The following SPAG16 variants were observed in gnomAD, a reference collection of about 807,000 sequenced individuals.
The protein encoded by SPAG16 is sperm-associated antigen 16 protein.
A neutral mutation model predicts 80.4 loss-of-function variants in SPAG16; 86 were observed. The ratio of observed to expected loss-of-function variants is 1.07; its 90% confidence interval spans 0.90 to 1.28. SPAG16 has a LOEUF of 1.28. Among genes scored for constraint, SPAG16 ranks in the 50% most tolerant of loss-of-function variants. SPAG16 has a pLI of 0.00. For synonymous variants in SPAG16, 294 were observed against 265.9 expected, an observed-to-expected ratio of 1.11 and a Z score of -1.03; for missense variants, 870 against 765.3, an observed-to-expected ratio of 1.14 and a Z score of -1.61.
intron 5 of SPAG16, among the ~76,000 whole-genome samples, chr2:213,325,234 A>G (rs967850948): frequency 2.0e-5 from 3 of 151,960 alleles, no homozygotes; most frequent in African/African-American, 7.2e-5. Flanking sequence ...AATTTTAATG[A>G]AGCATATCTT....
Position 214,028,608 on chromosome 2 carries a change from C to A in SPAG16, c.1527+14531C>A, listed in dbSNP as rs181033022. On this transcript the variant is annotated intron_variant, in intron 13 of 15. Transcript: ENST00000331683. ...CAACCCAAGATTTTAATTTTACATG[C>A]ATTTGATAAAATTTTAAAGGATATT... Among the ~76,000 whole-genome samples, 6 of 152,028 alleles carry A rather than the reference C, an allele frequency of 3.9e-5. No individual in the cohort carries two copies. The East Asian group carries it at 5.8e-4, about 15-fold the overall frequency.
rs559296769 is a variant in SPAG16 at position 213,360,720 on chromosome 2, G to C, written c.763-3356G>C. The stretch of plus-strand genomic sequence containing the variant: ...ATTAGTAGTGTGTCATGGAGCTATA[G>C]AATGAATTTATTCAAAGTATGTGTA... On this transcript the variant is annotated intron_variant, in intron 7 of 15. Transcript: ENST00000331683. 2.6e-5 allele frequency among the ~76,000 whole-genome samples: 4 copies of C among 152,308 alleles called. No individual in the cohort carries two copies. In the South Asian group the frequency reaches 8.3e-4, roughly 32 times the overall value.
intron 12 of SPAG16, among the ~76,000 whole-genome samples, chr2:213,973,022 G>A (rs763071780): frequency 3.9e-5 from 6 of 152,236 alleles, no homozygotes; most frequent in African/African-American, 4.8e-5. Flanking sequence ...AGTGTTTGAC[G>A]ATTAATTCTG....
At chr2:213,631,865 C>G (rs2062164912) in intron 10 of SPAG16, among the ~76,000 whole-genome samples, 1 of 152,136 alleles carries the variant, frequency 6.6e-6, no homozygotes. Context: ...ATGCCAGTAT[C>G]ATGCTGTTTG....
chr2:213,992,818 A>G (rs74720922), intron 12 of SPAG16, among the ~76,000 whole-genome samples: 4,989 of 152,312 alleles, frequency 0.033, 260 homozygotes, highest in African/African-American at 0.11. Context: ...GATAAAACAA[A>G]GTCATATAAA....
chr2:213,951,864 A>G (rs1397169650), intron 12 of SPAG16, among the ~76,000 whole-genome samples: 3 of 152,152 alleles, frequency 2.0e-5, no homozygotes. Flanking sequence ...GAGATTCGCT[A>G]AAACCAAATA....
intron 10 of SPAG16, among the ~76,000 whole-genome samples, chr2:213,792,792 C>T (rs958330265): frequency 1.1e-4 from 16 of 151,788 alleles, no homozygotes; most frequent in African/African-American, 3.9e-4. Flanking sequence ...CTAGCTGCCA[C>T]ATCTCTAAAA....
intron 10 of SPAG16, among the ~76,000 whole-genome samples, chr2:213,577,546 CTG>C (rs2060169944): frequency 6.6e-6 from 1 of 152,122 alleles, no homozygotes; most frequent in Non-Finnish European, 1.5e-5. Context: ...ATTCCAAAGT[CTG>C]TACTGGGGCT....
intron 7 of SPAG16, among the ~76,000 whole-genome samples, chr2:213,362,356 A>G (rs761972004): frequency 6.6e-6 from 1 of 152,204 alleles, no homozygotes; most frequent in Non-Finnish European, 1.5e-5. Context: ...CTCGAGTAAT[A>G]TATGTTGATA....
chr2:214,124,187 TGAAATTTAATATACTTTGCA>T (rs1284560355), intron 14 of SPAG16, among the ~76,000 whole-genome samples: 1 of 152,080 alleles, frequency 6.6e-6, no homozygotes, highest in Non-Finnish European at 1.5e-5. Context: ...AATTTTATTT[TGAAATTTAATATACTTTGCA>T]GACTCCCCAT....
intron 15 of SPAG16, among the ~76,000 whole-genome samples, chr2:214,177,563 C>G (rs947240042): frequency 6.6e-6 from 1 of 150,740 alleles, no homozygotes; most frequent in Non-Finnish European, 1.5e-5. Context: ...CTTTTTCTCC[C>G]AACTCTATTT....
chr2:213,737,932 T>TA (rs1228381279), intron 10 of SPAG16, among the ~76,000 whole-genome samples: 1 of 152,140 alleles, frequency 6.6e-6, no homozygotes, highest in Non-Finnish European at 1.5e-5. Flanking sequence ...TCAATATTTT[T>TA]AAAAAAATTC....
intron 2 of SPAG16, among the ~76,000 whole-genome samples, chr2:213,296,710 A>G (rs1020863959): frequency 1.3e-5 from 2 of 152,204 alleles, no homozygotes; most frequent in African/African-American, 2.4e-5. Flanking sequence ...TATTACTGGT[A>G]AAATGGAGAT....
chr2:214,378,896 T>C (rs1487700402), intron 15 of SPAG16, among the ~76,000 whole-genome samples: 1 of 152,182 alleles, frequency 6.6e-6, no homozygotes, highest in Non-Finnish European at 1.5e-5. Context: ...AGTTGTATAA[T>C]GGAAGGAGCA....
intron 11 of SPAG16, among the ~76,000 whole-genome samples, chr2:213,896,134 C>G (rs1161586380): frequency 6.6e-6 from 1 of 151,790 alleles, no homozygotes; most frequent in Non-Finnish European, 1.5e-5. Context: ...AAATGGCAAA[C>G]AGACCTGAAT....
intron 12 of SPAG16, among the ~76,000 whole-genome samples, chr2:213,978,034 C>CT (rs201843588): frequency 1.2e-3 from 178 of 144,682 alleles, no homozygotes; most frequent in Middle Eastern, 0.011. Flanking sequence ...CTTTATAGGG[C>CT]TTTTTTTTTT....
At chr2:214,339,041 C>T (rs1559225093) in intron 15 of SPAG16, among the ~76,000 whole-genome samples, 1 of 152,074 alleles carries the variant, frequency 6.6e-6, no homozygotes, top group Non-Finnish European at 1.5e-5. Context: ...AGTATTCAAC[C>T]ACAGCAATCA....
At chr2:214,062,185 C>T (rs1012020539) in intron 13 of SPAG16, among the ~76,000 whole-genome samples, 1 of 151,818 alleles carries the variant, frequency 6.6e-6, no homozygotes, top group African/African-American at 2.4e-5. Flanking sequence ...TTTGGGAGGC[C>T]GAAGTGGGCA....
At position 213,936,107 on chromosome 2, in the gene SPAG16, A is replaced by G. The variant is rs566869484; in HGVS notation, c.1400+5962A>G. 5.3e-5 allele frequency among the ~76,000 whole-genome samples: 8 copies of G among 152,242 alleles called. No individual in the cohort carries two copies. In the East Asian group the frequency reaches 1.2e-3, roughly 22 times the overall value. ...TAAAGTTGACATTTGGATAACCTGA[A>G]TAAGGTGAATCAGCAAGCCAAGCAG... On this transcript the variant is annotated intron_variant, in intron 12 of 15. Coordinates refer to ENST00000331683, the MANE Select transcript of SPAG16 (RefSeq NM_024532.5).
Sources: gnomAD v4.1 joint callset for allele counts (sites outside exome capture counted in the v4.1 genomes callset) on GRCh38, gnomAD v4.1.1 for gene constraint, MANE v1.5 for transcripts, NCBI Gene and HGNC (gene_info 2026-07-23, HGNC 2026-07-21) for gene names.